The following RIMBP2 variants were observed in gnomAD, a reference collection of about 807,000 sequenced individuals.
RIMBP2 encodes RIMS-binding protein 2.
In RIMBP2, 48 loss-of-function variants were observed where a neutral mutation model predicts 118.6. That is an observed-to-expected ratio of 0.40 (90% CI 0.32 to 0.51). The LOEUF (loss-of-function observed/expected upper bound fraction) is 0.51. RIMBP2 is among the 20% of genes least tolerant of loss of function. The pLI is 0.41. For synonymous variants in RIMBP2, 762 were observed against 742.9 expected (o/e 1.03, Z -0.42); for missense variants, 1,551 against 1,768.3 (o/e 0.88, Z 2.20).
intron 1 of RIMBP2, among the ~76,000 whole-genome samples, chr12:130,697,663 A>G (rs955357683): frequency 2.0e-5 from 3 of 151,950 alleles, no homozygotes; most frequent in Non-Finnish European, 4.4e-5. Flanking sequence ...TCAAGAACAC[A>G]GAAGGGAAAT....
Position 130,434,905 on chromosome 12 carries a change from G to A in RIMBP2, c.2107-25C>T, listed in dbSNP as rs199606823. ...ACTTGGAAAGAAAAAGGAGGCACAC[G>A]GGTGAGGCAGGGCCACCTTCAGCTA... On this transcript the variant is annotated intron_variant, in intron 13 of 22. Transcript: ENST00000690449. This position sits in a 1 kb window ranked among gnomAD's most constrained non-coding sequence, Gnocchi z 5.7. 16 of 1,586,046 alleles carry A rather than the reference G, an allele frequency of 1.0e-5. No individual in the cohort carries two copies. Among genetic ancestry groups the A allele is most frequent in the African/African-American group, 4.1e-5 (3 of 73,954 alleles).
intron 1 of RIMBP2, among the ~76,000 whole-genome samples, chr12:130,655,233 C>T (rs1017647916): frequency 6.6e-6 from 1 of 152,214 alleles, no homozygotes; most frequent in Non-Finnish European, 1.5e-5. Context: ...AACATCGCCC[C>T]ACCCTGCCAG....
At chr12:130,610,520 C>T (rs73156975) in intron 2 of RIMBP2, among the ~76,000 whole-genome samples, 1,616 of 142,860 alleles carry the variant, frequency 0.011, 20 homozygotes, top group Middle Eastern at 0.017. Flanking sequence ...GACTAACAAA[C>T]ATTTTGTGAC....
intron 1 of RIMBP2, among the ~76,000 whole-genome samples, chr12:130,699,593 G>T (rs1409606752): frequency 2.5e-5 from 3 of 120,636 alleles, no homozygotes; most frequent in Non-Finnish European, 5.1e-5. Flanking sequence ...TGGGGGGAGG[G>T]GGGAGGGATA....
chr12:130,402,825 G>GT (rs2074768305), intron 21 of RIMBP2, among the ~76,000 whole-genome samples: 1 of 152,220 alleles, frequency 6.6e-6, no homozygotes, highest in African/African-American at 2.4e-5. Flanking sequence ...AGTACGCCAC[G>GT]TGATGGCTTG....
chr12:130,666,662 G>A (rs1216546046), intron 1 of RIMBP2, among the ~76,000 whole-genome samples: 4 of 148,188 alleles, frequency 2.7e-5, no homozygotes, highest in African/African-American at 1.0e-4. Flanking sequence ...AGGGAGGGGA[G>A]GGATGGAGGA....
At chr12:130,487,397 G>C (rs532439446) in intron 4 of RIMBP2, among the ~76,000 whole-genome samples, 1 of 152,216 alleles carries the variant, frequency 6.6e-6, no homozygotes, top group African/African-American at 2.4e-5. Flanking sequence ...GAGTTCACTC[G>C]AGAGCTGGTT....
chr12:130,565,502 G>A (rs1254139484), intron 2 of RIMBP2, among the ~76,000 whole-genome samples: 1 of 152,168 alleles, frequency 6.6e-6, no homozygotes, highest in Non-Finnish European at 1.5e-5. Context: ...TGGAAAAGAG[G>A]TGGGCTCAAA....
At position 130,431,854 on chromosome 12, in the gene RIMBP2, T is replaced by C. The variant is rs989888479; in HGVS notation, c.2253+2880A>G. 71 of 155,816 alleles carry C rather than the reference T, an allele frequency of 4.6e-4. 1 individual carries two copies. The highest frequency in any genetic ancestry group is 1.6e-3 in the African/African-American group (67 of 41,620). The allele number at this position is 155,816 out of a possible 1,614,324, so 9.7% of individuals were successfully genotyped here. A position where few individuals can be genotyped will look rare whatever the true frequency, so the allele number is the denominator to read the frequency against. ...TAGAAAAGTCATCTCTTGTAGCAGGTGTGGTCATCCAGAGCTGGGCGTCAG... is the reference window on the plus strand; with the variant it reads ...TAGAAAAGTCATCTCTTGTAGCAGGCGTGGTCATCCAGAGCTGGGCGTCAG... On this transcript the variant is annotated intron_variant, in intron 14 of 22. Transcript: ENST00000690449. The surrounding 1 kb of genome is among the most constrained non-coding windows in gnomAD (Gnocchi z 4.0).
At chr12:130,612,088 G>A (rs1329854570) in intron 2 of RIMBP2, among the ~76,000 whole-genome samples, 1 of 152,164 alleles carries the variant, frequency 6.6e-6, no homozygotes, top group Non-Finnish European at 1.5e-5. Context: ...CAGTGTGCCA[G>A]GGCAGGTGCT....
chr12:130,643,518 T>A (rs1289532546), intron 1 of RIMBP2, among the ~76,000 whole-genome samples: 1 of 151,324 alleles, frequency 6.6e-6, no homozygotes, highest in African/African-American at 2.5e-5. Flanking sequence ...CAGAAATCAC[T>A]AGGTCAGGGG....
In RIMBP2 at chr12:130,567,122, A is replaced by G. The variant is rs150392554; in HGVS notation, c.-216-49205T>C. Among the ~76,000 whole-genome samples the G allele has an allele frequency of 2.3e-3, 351 of 152,364 alleles. 1 individual carries two copies. Among genetic ancestry groups the G allele is most frequent in the African/African-American group, 7.7e-3 (319 of 41,582 alleles). On this transcript the variant is annotated intron_variant, in intron 2 of 22. Coordinates refer to ENST00000690449, the MANE Select transcript of RIMBP2 (RefSeq NM_001393629.1). Reference sequence around the variant, plus strand: ...TCAGGGAAAGTCAAATACAAAATACAGCCAGGGAAAATTAAAATTCTTTAT... The same window carrying G: ...TCAGGGAAAGTCAAATACAAAATACGGCCAGGGAAAATTAAAATTCTTTAT...
At chr12:130,508,456 C>T (rs547319671) in intron 3 of RIMBP2, among the ~76,000 whole-genome samples, 12 of 152,106 alleles carry the variant, frequency 7.9e-5, no homozygotes, top group East Asian at 3.9e-4. Context: ...CTTCCCACCC[C>T]GGGGCCCCTG....
At chr12:130,535,738 C>CATATATAT (rs55887629) in intron 2 of RIMBP2, among the ~76,000 whole-genome samples, 16 of 66,716 alleles carry the variant, frequency 2.4e-4, no homozygotes, top group South Asian at 2.3e-3. Flanking sequence ...CATATATATA[C>CATATATAT]ATATATATAT....
intron 2 of RIMBP2, among the ~76,000 whole-genome samples, chr12:130,577,950 T>C (rs971914068): frequency 6.6e-6 from 1 of 152,202 alleles, no homozygotes; most frequent in Non-Finnish European, 1.5e-5. Context: ...GTGGTAATCA[T>C]TTCACAATGT....
chr12:130,661,761 A>G (rs2063674543), intron 1 of RIMBP2, among the ~76,000 whole-genome samples: 1 of 152,212 alleles, frequency 6.6e-6, no homozygotes, highest in Non-Finnish European at 1.5e-5. Flanking sequence ...GAGCTGATGC[A>G]ATAACTACGG....
chr12:130,431,179 G>A lies in RIMBP2; in HGVS notation c.2254-2842C>T, dbSNP rs1291851367. On this transcript the variant is annotated intron_variant, in intron 14 of 22. Transcript: ENST00000690449. This position sits in a 1 kb window ranked among gnomAD's most constrained non-coding sequence, Gnocchi z 4.0. Reference sequence around the variant, plus strand: ...CCTCCCTTCTTTCATTCATTCATTCGACAAACATTCATTGAGCACCTACTA... The same window carrying A: ...CCTCCCTTCTTTCATTCATTCATTCAACAAACATTCATTGAGCACCTACTA... Among the ~76,000 whole-genome samples, 1 of 152,054 alleles carries A rather than the reference G, an allele frequency of 6.6e-6. No homozygotes were observed. The highest frequency in any genetic ancestry group is 1.5e-5 in the Non-Finnish European group (1 of 68,020).
intron 4 of RIMBP2, among the ~76,000 whole-genome samples, chr12:130,481,119 G>T (rs1299524822): frequency 6.7e-6 from 1 of 150,002 alleles, no homozygotes; most frequent in East Asian, 2.0e-4. Flanking sequence ...AGGCTCAGGG[G>T]GAGGGGTGTG....
chr12:130,436,399 A>G (rs1358234072), intron 13 of RIMBP2, among the ~76,000 whole-genome samples: 1 of 152,188 alleles, frequency 6.6e-6, no homozygotes. Flanking sequence ...GTGCATGTCC[A>G]TATATGTATA....
Sources: allele counts gnomAD v4.1 joint callset (sites outside exome capture counted in the v4.1 genomes callset), GRCh38; gene constraint gnomAD v4.1.1; non-coding constraint Gnocchi (gnomAD v3.1); transcripts MANE v1.5; gene names NCBI Gene and HGNC (gene_info 2026-07-23, HGNC 2026-07-21).